DLG2: variants seen among roughly 807,000 people sequenced by gnomAD.
DLG2 encodes disks large homolog 2.
A neutral mutation model predicts 132.5 loss-of-function variants in DLG2; 45 were observed. The ratio of observed to expected loss-of-function variants is 0.34; its 90% CI spans 0.27 to 0.44. The LOEUF (loss-of-function observed/expected upper bound fraction) is 0.44. Ranked by LOEUF, DLG2 falls within the 20% of genes least tolerant of loss-of-function variation. DLG2 has a pLI of 1.00. For missense variants in DLG2, 1,045 were observed against 1,196.9 expected (o/e 0.87, Z 1.87); for synonymous variants, 424 against 419.6 (o/e 1.01, Z -0.13).
chr11:83,477,143 CT>C (rs1428687358), intron 22 of DLG2, among the ~76,000 whole-genome samples: 1 of 152,096 alleles, frequency 6.6e-6, no homozygotes, highest in Non-Finnish European at 1.5e-5. Flanking sequence ...ATGTAAAGAG[CT>C]TTACTGAGCT....
intron 6 of DLG2, among the ~76,000 whole-genome samples, chr11:85,092,643 C>CT (rs551838341): frequency 0.053 from 7,070 of 132,198 alleles, 256 homozygotes; most frequent in African/African-American, 0.1. Context: ...GTACACGTGA[C>CT]TTTTTTTTTT....
At chr11:84,475,513 T>TTTTA (rs2099119315) in intron 7 of DLG2, among the ~76,000 whole-genome samples, 1 of 152,080 alleles carries the variant, frequency 6.6e-6, no homozygotes, top group East Asian at 1.9e-4. Flanking sequence ...CTTGTTCAAA[T>TTTTA]TTTACTCTTT....
chr11:84,013,346 G>A (rs972578802), intron 11 of DLG2, among the ~76,000 whole-genome samples: 1 of 152,076 alleles, frequency 6.6e-6, no homozygotes, highest in Admixed American at 6.6e-5. Flanking sequence ...ATGGGCTAGG[G>A]ACAAGCTTCA....
intron 3 of DLG2, among the ~76,000 whole-genome samples, chr11:85,427,806 G>T (rs1377432327): frequency 6.6e-6 from 1 of 152,156 alleles, no homozygotes; most frequent in Non-Finnish European, 1.5e-5. Flanking sequence ...TGGACTAAAT[G>T]CTCCAATTAA....
At chr11:84,461,260 T>C (rs2099079410) in intron 7 of DLG2, among the ~76,000 whole-genome samples, 1 of 150,922 alleles carries the variant, frequency 6.6e-6, no homozygotes, top group African/African-American at 2.4e-5. Context: ...ATGTTATCAC[T>C]ATTTTATACA....
chr11:84,599,068 A>G (rs2154531888), intron 6 of DLG2, among the ~76,000 whole-genome samples: 1 of 152,088 alleles, frequency 6.6e-6, no homozygotes, highest in East Asian at 1.9e-4. Flanking sequence ...AACATGGTGA[A>G]ACCCCATCTC....
At chr11:84,882,786 G>A (rs893605448) in intron 6 of DLG2, among the ~76,000 whole-genome samples, 1 of 152,004 alleles carries the variant, frequency 6.6e-6, no homozygotes. Context: ...AAGAATCCTT[G>A]TATTCAGATG....
At chr11:85,460,178 C>A (rs2092560302) in intron 3 of DLG2, among the ~76,000 whole-genome samples, 1 of 152,184 alleles carries the variant, frequency 6.6e-6, no homozygotes, top group Non-Finnish European at 1.5e-5. Flanking sequence ...TGCTGCTCAG[C>A]CCTCTGGATT....
intron 6 of DLG2, among the ~76,000 whole-genome samples, chr11:84,877,008 T>C (rs1438402071): frequency 2.0e-5 from 3 of 152,216 alleles, no homozygotes; most frequent in Non-Finnish European, 2.9e-5. Flanking sequence ...AGTGAGTTTC[T>C]TAATCTTGAG....
chr11:83,930,389 G>C lies in DLG2; in HGVS notation c.1435C>G (p.Leu479Val), dbSNP rs374587627. The change falls in exon 15 of 28, where the codon CTC (leucine) becomes GTC (valine). Residue 479 changes from leucine (L) to valine (V), a missense_variant. Coordinates refer to ENST00000376104, the MANE Select transcript of DLG2 (RefSeq NM_001142699.3). ...YSPVECDKSF[L>V]LSAPYSHYHL... is the part of the protein sequence containing the mutation. The stretch of plus-strand genomic sequence containing the variant: ...TAGTGGGAATAGGGAGCTGAGAGGA[G>C]GAAGCTTTTGTCACACTCAACAGGG... 3.7e-6 allele frequency: 6 copies of C among 1,614,108 alleles called. No homozygotes were observed. Among genetic ancestry groups the C allele is most frequent in the Non-Finnish European group, 5.1e-6 (6 of 1,179,974 alleles).
intron 8 of DLG2, among the ~76,000 whole-genome samples, chr11:84,238,878 A>C (rs2097192223): frequency 6.6e-6 from 1 of 152,194 alleles, no homozygotes; most frequent in Non-Finnish European, 1.5e-5. Context: ...TGAGAAAGAA[A>C]AAAGCATTTG....
At chr11:84,500,389 A>C (rs1380192757) in intron 7 of DLG2, among the ~76,000 whole-genome samples, 1 of 152,128 alleles carries the variant, frequency 6.6e-6, no homozygotes, top group Non-Finnish European at 1.5e-5. Context: ...GCTTTGACTA[A>C]ATTAAGGAAA....
chr11:84,342,337 G>A (rs2098518798), intron 7 of DLG2, among the ~76,000 whole-genome samples: 1 of 152,224 alleles, frequency 6.6e-6, no homozygotes, highest in African/African-American at 2.4e-5. Context: ...TAATACAGCA[G>A]GAGTGTAATC....
At chr11:85,182,449 AGTT>A (rs1468239743) in intron 4 of DLG2, among the ~76,000 whole-genome samples, 1 of 151,980 alleles carries the variant, frequency 6.6e-6, no homozygotes, top group Non-Finnish European at 1.5e-5. Flanking sequence ...TAAATCAGTT[AGTT>A]GTTCTAGAAT....
At chr11:84,166,912 A>AT (rs746722890) in intron 8 of DLG2, 20 of 532,176 alleles carry the variant, frequency 3.8e-5, no homozygotes, top group Non-Finnish European at 6.2e-5. Flanking sequence ...GGCCGAATAC[A>AT]TTTTTTTTCT....
intron 6 of DLG2, among the ~76,000 whole-genome samples, chr11:84,593,069 A>C (rs886563780): frequency 6.0e-5 from 9 of 151,118 alleles, no homozygotes; most frequent in African/African-American, 2.2e-4. Context: ...CAGTGAGCCA[A>C]GATCGTGCCA....
At chr11:84,219,318 C>A (rs2154322457) in intron 8 of DLG2, among the ~76,000 whole-genome samples, 1 of 152,286 alleles carries the variant, frequency 6.6e-6, no homozygotes, top group South Asian at 2.1e-4. Context: ...CCTTTGTACT[C>A]ATTCACCAAT....
intron 19 of DLG2, among the ~76,000 whole-genome samples, chr11:83,595,722 T>C (rs1020607846): frequency 2.0e-5 from 3 of 152,202 alleles, no homozygotes; most frequent in Non-Finnish European, 4.4e-5. Flanking sequence ...CTAACCGAAA[T>C]GCAAGTTCAT....
At chr11:84,573,548 T>C (rs191249538) in intron 6 of DLG2, among the ~76,000 whole-genome samples, 3 of 152,280 alleles carry the variant, frequency 2.0e-5, no homozygotes, top group East Asian at 1.9e-4. Flanking sequence ...ATACTTCAGA[T>C]ACTGCTGAGA....
Sources: gnomAD v4.1 joint callset for allele counts (sites outside exome capture counted in the v4.1 genomes callset) on GRCh38, gnomAD v4.1.1 for gene constraint, MANE v1.5 for transcripts, NCBI Gene and HGNC (gene_info 2026-07-23, HGNC 2026-07-21) for gene names.